KIAA1671: variants seen among roughly 807,000 people sequenced by gnomAD.
The protein encoded by KIAA1671 is KIAA1671.
Under a neutral mutation model 131.2 loss-of-function variants are expected in KIAA1671, and 52 were observed. That is an observed-to-expected ratio of 0.40 (90% confidence interval 0.32 to 0.50). The LOEUF (loss-of-function observed/expected upper bound fraction) is 0.50, where lower values mean the gene tolerates loss of function less well. Ranked by LOEUF, KIAA1671 falls within the 20% of genes least tolerant of loss-of-function variation. KIAA1671 has a pLI of 0.73. For missense variants in KIAA1671, 2,360 were observed against 2,364.2 expected (o/e 1.00, Z 0.04); for synonymous variants, 1,003 against 961.6 (o/e 1.04, Z -0.80).
chr22:24,984,978 G>A (rs1295062997), intron 1 of KIAA1671, among the ~76,000 whole-genome samples: 1 of 150,558 alleles, frequency 6.6e-6, no homozygotes, highest in Non-Finnish European at 1.5e-5. Context: ...GTCCACCAAG[G>A]AGCATGTTGG....
intron 1 of KIAA1671, among the ~76,000 whole-genome samples, chr22:25,020,895 G>C (rs1297577021): frequency 6.6e-6 from 1 of 152,128 alleles, no homozygotes; most frequent in African/African-American, 2.4e-5. Flanking sequence ...GGATCCTGTA[G>C]GGCCTCGGGG....
intron 6 of KIAA1671, among the ~76,000 whole-genome samples, chr22:25,091,214 T>A (rs1420230371): frequency 6.6e-6 from 1 of 152,048 alleles, no homozygotes; most frequent in Non-Finnish European, 1.5e-5. Context: ...CCCACCACCA[T>A]GTCTGGCTAA....
chr22:25,036,816 C>T (rs940866716), intron 4 of KIAA1671, among the ~76,000 whole-genome samples: 2 of 151,908 alleles, frequency 1.3e-5, no homozygotes, highest in African/African-American at 2.4e-5. Flanking sequence ...CCCAGCCACT[C>T]GGGAGGCTGA....
intron 1 of KIAA1671, among the ~76,000 whole-genome samples, chr22:24,991,517 C>G (rs1245881023): frequency 6.6e-6 from 1 of 150,888 alleles, no homozygotes; most frequent in African/African-American, 2.4e-5. Flanking sequence ...GCTGGAGTGG[C>G]AGGATCTCGG....
chr22:25,037,363 T>C (rs1399794099), intron 4 of KIAA1671, among the ~76,000 whole-genome samples: 3 of 149,862 alleles, frequency 2.0e-5, no homozygotes, highest in East Asian at 1.9e-4. Flanking sequence ...AAAATATATA[T>C]GTGTATATAT....
intron 6 of KIAA1671, among the ~76,000 whole-genome samples, chr22:25,141,251 G>A (rs75879235): frequency 6.7e-6 from 1 of 149,124 alleles, no homozygotes; most frequent in Non-Finnish European, 1.5e-5. Context: ...GTTTTTTTTT[G>A]AGACAGAGTC....
chr22:25,035,875 A>G (rs1301877104), intron 4 of KIAA1671, among the ~76,000 whole-genome samples: 5 of 152,170 alleles, frequency 3.3e-5, no homozygotes, highest in East Asian at 1.9e-4. Context: ...AGTAGACTTT[A>G]TGTGTGTGTG....
At chr22:25,182,014 A>G (rs1030595323) in intron 10 of KIAA1671, among the ~76,000 whole-genome samples, 191 bp downstream of exon 10, 1 of 151,924 alleles carries the variant, frequency 6.6e-6, no homozygotes, top group African/African-American at 2.4e-5. Flanking sequence ...CGTCTCTACT[A>G]AAAAATAGAA....
intron 6 of KIAA1671, among the ~76,000 whole-genome samples, chr22:25,104,828 T>C (rs1167204565): frequency 1.3e-5 from 2 of 152,022 alleles, no homozygotes; most frequent in Admixed American, 6.6e-5. Flanking sequence ...GGGGAGAAAA[T>C]GGGATAGCCT....
intron 6 of KIAA1671, among the ~76,000 whole-genome samples, chr22:25,122,802 G>T (rs111351210): frequency 6.6e-6 from 1 of 152,088 alleles, no homozygotes; most frequent in Admixed American, 6.5e-5. Flanking sequence ...GTGAAACCCC[G>T]TCTCTACTAA....
At chr22:24,970,065 CT>C (rs1922519909) in intron 1 of KIAA1671, among the ~76,000 whole-genome samples, 1 of 152,188 alleles carries the variant, frequency 6.6e-6, no homozygotes, top group Admixed American at 6.5e-5. Context: ...CAGTCCTGAT[CT>C]TTATCACTCC....
intron 6 of KIAA1671, among the ~76,000 whole-genome samples, chr22:25,153,642 C>T (rs555436318): frequency 1.6e-4 from 25 of 152,326 alleles, no homozygotes; most frequent in South Asian, 1.2e-3. Flanking sequence ...TGGGGGCTGG[C>T]ATAGTCAAAT....
At chr22:25,119,920 G>A (rs573317077) in intron 6 of KIAA1671, among the ~76,000 whole-genome samples, 1 of 152,372 alleles carries the variant, frequency 6.6e-6, no homozygotes, top group South Asian at 2.1e-4. Flanking sequence ...TAGGGCCAGG[G>A]AGGGGGATTC....
intron 1 of KIAA1671, among the ~76,000 whole-genome samples, chr22:24,953,619 T>G (rs890550446): frequency 6.6e-6 from 1 of 151,606 alleles, no homozygotes; most frequent in Non-Finnish European, 1.5e-5. Flanking sequence ...GGCTCACGGG[T>G]GGGGCCCTCG....
chr22:25,129,507 G>GAAAAAAAAAAAAACAAAAA (rs1932335951), intron 6 of KIAA1671, among the ~76,000 whole-genome samples: 1 of 130,866 alleles, frequency 7.6e-6, no homozygotes, highest in African/African-American at 2.7e-5. Flanking sequence ...GACTCCATCT[G>GAAAAAAAAAAAAACAAAAA]AAAAAAAAAA....
At chr22:25,178,304 G>A (rs1306601345) in intron 9 of KIAA1671, among the ~76,000 whole-genome samples, 1 of 152,200 alleles carries the variant, frequency 6.6e-6, no homozygotes, top group Non-Finnish European at 1.5e-5. Flanking sequence ...TGCCAAGTGG[G>A]AAGGGTGTGG....
intron 6 of KIAA1671, among the ~76,000 whole-genome samples, chr22:25,149,347 CAG>C (rs1568980371): frequency 6.6e-6 from 1 of 152,224 alleles, no homozygotes; most frequent in Non-Finnish European, 1.5e-5. Context: ...CCTGGCCCCT[CAG>C]GGGACTGAGA....
chr22:25,141,926 T>C (rs1460142974), intron 6 of KIAA1671, among the ~76,000 whole-genome samples: 1 of 152,226 alleles, frequency 6.6e-6, no homozygotes, highest in Non-Finnish European at 1.5e-5. Flanking sequence ...CAAGCTCCTA[T>C]GTCTGTCCAT....
chr22:25,067,120 G>A (rs1459036001), intron 6 of KIAA1671, among the ~76,000 whole-genome samples: 2 of 152,108 alleles, frequency 1.3e-5, no homozygotes, highest in African/African-American at 2.4e-5. Flanking sequence ...TCTCCTGGGG[G>A]TGTGCCCTGG....
Sources: allele counts gnomAD v4.1 joint callset (sites outside exome capture counted in the v4.1 genomes callset), GRCh38; gene constraint gnomAD v4.1.1; transcripts MANE v1.5; gene names NCBI Gene and HGNC (gene_info 2026-07-23, HGNC 2026-07-21).